Variants in PGM5 observed in about 807,000 individuals in gnomAD.
The protein encoded by PGM5 is phosphoglucomutase 5.
Under a neutral mutation model 59.2 loss-of-function variants are expected in PGM5, and 23 were observed. That is an observed-to-expected ratio of 0.39 (90% CI 0.28 to 0.55). The LOEUF (loss-of-function observed/expected upper bound fraction) is 0.55, where lower values mean the gene tolerates loss of function less well. Among genes scored for constraint, PGM5 ranks in the 20% least tolerant of loss-of-function variants. The pLI is 0.66. For missense variants in PGM5, 574 were observed against 748.3 expected (o/e 0.77, Z 2.72); for synonymous variants, 214 against 286.0 (o/e 0.75, Z 2.54).
At chr9:68,514,997 C>A (rs189570785) in intron 10 of PGM5, among the ~76,000 whole-genome samples, 1 of 152,192 alleles carries the variant, frequency 6.6e-6, no homozygotes, top group Admixed American at 6.5e-5. Flanking sequence ...CACAATTATA[C>A]TAGTTGAGCT....
intron 7 of PGM5, among the ~76,000 whole-genome samples, chr9:68,472,250 A>C (rs1265896949): frequency 6.6e-6 from 1 of 152,206 alleles, no homozygotes; most frequent in African/African-American, 2.4e-5. Context: ...GGCCAAAGTC[A>C]CACTGGCTGA....
rs2480146 is a variant in PGM5, at chr9:68,387,570, A to G, written c.679A>G (p.Ile227Val). The change falls in exon 4 of 11, where the codon ATT becomes GTT. Residue 227 changes from isoleucine to valine, a missense_variant. Around this residue, in one of 7 missense-constraint regions of PGM5, gnomAD observed 103 missense variants for 112.4 expected, o/e 0.92. Coordinates refer to ENST00000396396, the MANE Select transcript of PGM5 (RefSeq NM_021965.4). ...TGGACCCAGCCAACTGAAGATTCGC[A>G]TTGACGCAATGCACGGAGGTAAGCT... The part of the protein sequence containing the change: ...LTGPSQLKIR[I>V]DAMHGVMGPY... 32,217 of 1,036,622 alleles carry G rather than the reference A, an allele frequency of 0.031. No individual in the cohort carries two copies. The highest frequency in any genetic ancestry group is 0.042 in the Non-Finnish European group (28,700 of 686,716). 64.2% of individuals were successfully genotyped at this position (1,036,622 alleles called of 1,614,324 possible).
chr9:68,472,365 A>T (rs2132084414), intron 7 of PGM5, among the ~76,000 whole-genome samples: 1 of 140,384 alleles, frequency 7.1e-6, no homozygotes, highest in East Asian at 2.5e-4. Context: ...CCTCCTGGTT[A>T]TTCTTTTGGA....
chr9:68,501,709 T>A (rs7042898), intron 10 of PGM5, among the ~76,000 whole-genome samples: 2,371 of 152,304 alleles, frequency 0.016, 43 homozygotes, highest in African/African-American at 0.044. Context: ...CAACAGGTAG[T>A]TTTTGATGTT....
intron 6 of PGM5, among the ~76,000 whole-genome samples, chr9:68,409,380 TACCCA>T (rs1322432542): frequency 4.8e-4 from 69 of 143,682 alleles, no homozygotes; most frequent in Admixed American, 2.3e-3. Context: ...ACTGGGTATA[TACCCA>T]AAGAACTATA....
intron 6 of PGM5, chr9:68,400,643 C>T (rs1822642287): frequency 6.6e-6 from 1 of 152,604 alleles, no homozygotes; most frequent in Non-Finnish European, 1.5e-5. Context: ...ATATACCTGA[C>T]TAATAAGAAG....
chr9:68,396,054 A>G, intron 6 of PGM5: 1 of 152,124 alleles, frequency 6.6e-6, no homozygotes, highest in East Asian at 1.9e-4. Context: ...TAGGATCCTG[A>G]GTGATATGTA....
intron 10 of PGM5, among the ~76,000 whole-genome samples, chr9:68,499,804 T>C (rs892149581): frequency 2.4e-4 from 36 of 152,320 alleles, no homozygotes; most frequent in African/African-American, 8.2e-4. Flanking sequence ...ATTGCTACAT[T>C]GTCCACTCTG....
chr9:68,505,417 A>C (rs1554688943), intron 10 of PGM5, among the ~76,000 whole-genome samples: 1 of 152,210 alleles, frequency 6.6e-6, no homozygotes, highest in Non-Finnish European at 1.5e-5. Flanking sequence ...TTAAGGGCTC[A>C]GTCTCACAAG....
chr9:68,474,111 A>G (rs1824065516), intron 7 of PGM5, among the ~76,000 whole-genome samples: 1 of 152,112 alleles, frequency 6.6e-6, no homozygotes, highest in Non-Finnish European at 1.5e-5. Flanking sequence ...AGAAATACCA[A>G]TGCCTGGGCC....
At chr9:68,483,663 A>G (rs1473591935) in intron 8 of PGM5, among the ~76,000 whole-genome samples, 1 of 152,182 alleles carries the variant, frequency 6.6e-6, no homozygotes, top group African/African-American at 2.4e-5. Context: ...AGAAAGTGGC[A>G]TGATTTGATT....
intron 10 of PGM5, among the ~76,000 whole-genome samples, chr9:68,515,358 C>T (rs782045193): frequency 6.6e-6 from 1 of 152,186 alleles, no homozygotes; most frequent in Non-Finnish European, 1.5e-5. Context: ...ACTACTGCCT[C>T]CTCCGTAAGA....
chr9:68,367,405 T>C (rs1401998389), intron 1 of PGM5, among the ~76,000 whole-genome samples: 3 of 152,134 alleles, frequency 2.0e-5, no homozygotes, highest in East Asian at 1.9e-4. Flanking sequence ...TGTGAGAGAT[T>C]ACTGAAAGGA....
intron 7 of PGM5, among the ~76,000 whole-genome samples, chr9:68,467,742 T>C (rs77176054): frequency 0.048 from 7,287 of 152,240 alleles, 225 homozygotes; most frequent in African/African-American, 0.089. Context: ...CCTATAGAGC[T>C]TTAAAATTGC....
intron 10 of PGM5, among the ~76,000 whole-genome samples, chr9:68,501,670 G>GGGATT: frequency 6.6e-6 from 1 of 152,220 alleles, no homozygotes; most frequent in African/African-American, 2.4e-5. Flanking sequence ...CTAATCTGCA[G>GGGATT]AGATTCCATT....
chr9:68,359,866 C>T (rs1554676147), intron 1 of PGM5, among the ~76,000 whole-genome samples: 1 of 152,116 alleles, frequency 6.6e-6, no homozygotes, highest in Non-Finnish European at 1.5e-5. Flanking sequence ...TTTTTTGAGA[C>T]TGGGTCTCAC....
In PGM5 at chr9:68,369,828, G is replaced by T. The variant is rs546869513; in HGVS notation, c.262-8371G>T. Among the ~76,000 whole-genome samples, 20 of 152,254 alleles carry T rather than the reference G, an allele frequency of 1.3e-4. No homozygotes were observed. In the East Asian group the frequency reaches 3.7e-3, roughly 28 times the overall value. On this transcript the variant is annotated intron_variant, in intron 1 of 10. Coordinates refer to ENST00000396396, the MANE Select transcript of PGM5 (RefSeq NM_021965.4). ...GGATGAGCTCTCTTACTTCCATCTG[G>T]TCTCCATGTAACAAATCATATAACT...
intron 6 of PGM5, among the ~76,000 whole-genome samples, chr9:68,464,836 A>C (rs1395711247): frequency 6.6e-6 from 1 of 152,196 alleles, no homozygotes; most frequent in Non-Finnish European, 1.5e-5. Context: ...ATAGAAGTGA[A>C]ACAAATGTAA....
chr9:68,507,527 T>C (rs1824676818), intron 10 of PGM5, among the ~76,000 whole-genome samples: 1 of 152,190 alleles, frequency 6.6e-6, no homozygotes, highest in Admixed American at 6.5e-5. Flanking sequence ...GTAGAAAGTA[T>C]TGAGCAGGAT....
Sources: allele counts gnomAD v4.1 joint callset (sites outside exome capture counted in the v4.1 genomes callset), GRCh38; gene constraint gnomAD v4.1.1; regional missense constraint gnomAD v4.1.1; transcripts MANE v1.5; gene names NCBI Gene and HGNC (gene_info 2026-07-23, HGNC 2026-07-21).